MCF2L: variants seen among roughly 807,000 people sequenced by gnomAD.
The protein encoded by MCF2L is guanine nucleotide exchange factor DBS.
MCF2L carries 97 observed loss-of-function variants against 153.4 expected under a neutral mutation model. The ratio of observed to expected loss-of-function variants is 0.63; its 90% CI spans 0.54 to 0.75. MCF2L has a LOEUF of 0.75. MCF2L is among the 30% of genes least tolerant of loss of function. The probability of loss-of-function intolerance (pLI) is 0.00; values close to 1 mark genes in which losing one functional copy is unlikely to be tolerated. For synonymous variants in MCF2L, 659 were observed against 632.2 expected, an observed-to-expected ratio of 1.04 and a Z score of -0.64; for missense variants, 1,347 against 1,495.2, an observed-to-expected ratio of 0.90 and a Z score of 1.64.
chr13:112,926,233 A>G (rs80349318), intron 2 of MCF2L, among the ~76,000 whole-genome samples: 17 of 128,826 alleles, frequency 1.3e-4, no homozygotes, highest in South Asian at 5.2e-4. Flanking sequence ...TGTACGGCCT[A>G]ATCTATATAC....
At position 113,046,489 on chromosome 13, in the gene MCF2L, G is replaced by A; in HGVS notation, c.369+1128G>A. On this transcript the variant is annotated intron_variant, in intron 4 of 29. Transcript: ENST00000535094. The surrounding 1 kb of genome is among the most constrained non-coding windows in gnomAD (Gnocchi z 4.4). The stretch of plus-strand genomic sequence containing the variant: ...GGGTCCCGCGTTCAGACTACCTTTG[G>A]GTTCCCCAGCCTCTCGGTGGCTGCT... 1.9e-6 allele frequency: 1 copy of A among 521,024 alleles called. No homozygotes were observed. Among genetic ancestry groups the A allele is most frequent in the African/African-American group, 2.0e-5 (1 of 50,958 alleles). 32.3% of individuals were successfully genotyped at this position (521,024 alleles called of 1,614,324 possible).
chr13:112,919,237 G>A (rs1458162082), intron 2 of MCF2L, among the ~76,000 whole-genome samples: 40 of 108,594 alleles, frequency 3.7e-4, no homozygotes, highest in African/African-American at 1.3e-3. Context: ...ACGGAGTCTT[G>A]CTCTGTCGCC....
At chr13:113,001,752 C>T in intron 1 of MCF2L, 3 of 1,361,242 alleles carry the variant, frequency 2.2e-6, no homozygotes, top group Non-Finnish European at 2.8e-6. Flanking sequence ...GAGCAGCCGG[C>T]TGGCTGCCCT....
intron 2 of MCF2L, among the ~76,000 whole-genome samples, chr13:113,022,233 C>T (rs969401389): frequency 6.6e-6 from 1 of 151,402 alleles, no homozygotes; most frequent in African/African-American, 2.4e-5. Flanking sequence ...TCCAAGCTCC[C>T]AGGCTGCCTC....
intron 1 of MCF2L, among the ~76,000 whole-genome samples, chr13:112,978,069 G>T (rs930797379): frequency 1.2e-4 from 19 of 152,200 alleles, no homozygotes; most frequent in African/African-American, 4.3e-4. Flanking sequence ...GCAAGACTCT[G>T]TCTCCAAACA....
intron 1 of MCF2L, among the ~76,000 whole-genome samples, chr13:113,008,364 C>T (rs1395828937): frequency 6.9e-6 from 1 of 144,168 alleles, no homozygotes; most frequent in African/African-American, 2.6e-5. Context: ...TGTGTCTCAG[C>T]CCCTGGACTC....
intron 1 of MCF2L, among the ~76,000 whole-genome samples, chr13:113,014,456 G>A (rs1379458712): frequency 6.6e-6 from 1 of 152,136 alleles, no homozygotes; most frequent in African/African-American, 2.4e-5. Context: ...CTTTCCCACT[G>A]CTCCCCTGCC....
chr13:112,943,972 C>CGTGAGGGGAGGGTCCCGG lies in MCF2L; in HGVS notation c.169+41621_169+41638dup, dbSNP rs1179751791. Among the ~76,000 whole-genome samples the CGTGAGGGGAGGGTCCCGG allele has an allele frequency of 2.1e-5, 3 of 145,338 alleles. No individual in the cohort carries two copies. Among genetic ancestry groups the CGTGAGGGGAGGGTCCCGG allele is most frequent in the African/African-American group, 5.5e-5 (2 of 36,292 alleles). ...CAGGGGCGCAGAGAGGGTCCCGGGC[C>CGTGAGGGGAGGGTCCCGG]GTGAGGGGAGGGTCCCGGGTGAGGG... On this transcript the variant is annotated intron_variant, in intron 2 of 29. Transcript: ENST00000375608. The surrounding 1 kb of genome is among the most constrained non-coding windows in gnomAD (Gnocchi z 4.2).
intron 2 of MCF2L, among the ~76,000 whole-genome samples, chr13:112,903,257 T>G (rs992259601): frequency 2.0e-5 from 3 of 152,228 alleles, no homozygotes; most frequent in Non-Finnish European, 4.4e-5. Flanking sequence ...GCTCTAAATC[T>G]GGTGCTTTTC....
At position 113,088,320 on chromosome 13, in the gene MCF2L, G is replaced by A; in HGVS notation, c.2689-7G>A. 1 of 1,613,796 alleles carries A rather than the reference G, an allele frequency of 6.2e-7. No individual in the cohort carries two copies. The highest frequency in any genetic ancestry group is 8.5e-7 in the Non-Finnish European group (1 of 1,179,848). On this transcript the variant is annotated splice_region_variant and splice_polypyrimidine_tract_variant and intron_variant, in intron 23 of 29. Transcript: ENST00000535094. ...CTCACCTCCTGGCGTTTCTTTTGGG[G>A]AAACAGGCGCCAACTCCTGAGATTA...
At chr13:112,968,527 TG>T (rs2081937129), upstream of MCF2L, 2 of 1,566,884 alleles carry the variant, frequency 1.3e-6, no homozygotes, top group African/African-American at 1.4e-5. Context: ...CCTGCGTCCT[TG>T]GGCAGGCGAT....
Position 113,064,970 on chromosome 13 carries a change from C to T in MCF2L, c.641C>T (p.Thr214Met), listed in dbSNP as rs376518005. ...AGTTTCGCCCTCATGGTGAAGCAGA[C>T]GGCTCAGATGCTGCAGTCCTTCGGG... The part of the protein sequence containing the change: ...IESFALMVKQ[T>M]AQMLQSFGTE... Residue 214 changes from threonine (T) to methionine (M), a missense_variant, in exon 7 of 30, where the codon ACG becomes ATG. Coordinates refer to ENST00000535094, the MANE Select transcript of MCF2L (RefSeq NM_001112732.3). The surrounding 1 kb of genome is among the most constrained non-coding windows in gnomAD (Gnocchi z 6.0). 41 of 1,612,964 alleles carry T rather than the reference C, an allele frequency of 2.5e-5. No individual in the cohort carries two copies. The highest frequency in any genetic ancestry group is 6.7e-5 in the Admixed American group (4 of 59,990).
At chr13:113,011,301 C>G (rs1336895310) in intron 1 of MCF2L, among the ~76,000 whole-genome samples, 2 of 152,238 alleles carry the variant, frequency 1.3e-5, no homozygotes, top group Non-Finnish European at 2.9e-5. Context: ...CCCTGCTTTT[C>G]ATACCCAAAA....
rs2033778146 is a variant in MCF2L, at chr13:113,078,670, A to G, written c.1739A>G (p.Glu580Gly). Residue 580 changes from glutamate to glycine, a missense_variant, in exon 15 of 30, where the codon GAG becomes GGG. By Grantham distance (98) the Glu-to-Gly change is moderately conservative. Coordinates refer to ENST00000535094, the MANE Select transcript of MCF2L (RefSeq NM_001112732.3). ...TGACGCTGTTTTTCTCCCCAGAGTG[A>G]GATGAGTGAGAGCCGGCAGGGCCGC... ...RRGPYRRAKS[E>G]MSESRQGRGS... 1 of 1,611,896 alleles carries G rather than the reference A, an allele frequency of 6.2e-7. No individual in the cohort carries two copies. Among genetic ancestry groups the G allele is most frequent in the Non-Finnish European group, 8.5e-7 (1 of 1,179,656 alleles).
intron 2 of MCF2L, among the ~76,000 whole-genome samples, chr13:112,917,943 C>G (rs534175734): frequency 1.9e-4 from 29 of 152,338 alleles, no homozygotes; most frequent in Non-Finnish European, 4.0e-4. Flanking sequence ...TTCAGGACAC[C>G]TTCAGGGCTG....
intron 2 of MCF2L, among the ~76,000 whole-genome samples, chr13:112,915,633 C>G (rs562149137): frequency 6.6e-6 from 1 of 151,944 alleles, no homozygotes; most frequent in Non-Finnish European, 1.5e-5. Context: ...TGCTAGTGTA[C>G]CTTTTCCTAG....
chr13:112,963,233 G>A (rs2081854566), intron 2 of MCF2L, among the ~76,000 whole-genome samples: 1 of 152,162 alleles, frequency 6.6e-6, no homozygotes, highest in African/African-American at 2.4e-5. Context: ...CTCCCAAACT[G>A]GGGCCCAGGC....
At chr13:113,002,765 T>C (rs914538394) in intron 1 of MCF2L, among the ~76,000 whole-genome samples, 3 of 152,246 alleles carry the variant, frequency 2.0e-5, no homozygotes, top group African/African-American at 7.2e-5. Context: ...AGCGGGTACT[T>C]ATGCCAAGTA....
At chr13:112,970,906 C>T (rs1376525371) in intron 1 of MCF2L, among the ~76,000 whole-genome samples, 2 of 152,124 alleles carry the variant, frequency 1.3e-5, no homozygotes, top group African/African-American at 2.4e-5. Context: ...GTGAGATGTG[C>T]GTCCTCCCAC....
Sources: gnomAD v4.1 joint callset for allele counts (sites outside exome capture counted in the v4.1 genomes callset) on GRCh38, gnomAD v4.1.1 for gene constraint, Gnocchi (gnomAD v3.1) non-coding constraint, MANE v1.5 for transcripts, NCBI Gene and HGNC (gene_info 2026-07-23, HGNC 2026-07-21) for gene names.